HYCC1: variants seen among roughly 807,000 people sequenced by gnomAD.
The protein encoded by HYCC1 is hyccin PI4KA lipid kinase complex subunit 1.
At chr7:22,910,108 C>T in the HYCC1 span, among the ~76,000 whole-genome samples, 1 of 152,228 alleles carries the variant, frequency 6.6e-6, no homozygotes, top group Admixed American at 6.5e-5. Flanking sequence ...ACCAGCAAGG[C>T]ATGCCAAGTA....
the HYCC1 span, among the ~76,000 whole-genome samples, chr7:22,984,406 G>C: frequency 6.6e-6 from 1 of 152,082 alleles, no homozygotes; most frequent in African/African-American, 2.4e-5. Flanking sequence ...CTTCATCTTT[G>C]ATCATAGTTT....
the HYCC1 span, among the ~76,000 whole-genome samples, chr7:22,922,652 A>T: frequency 6.6e-6 from 1 of 152,252 alleles, no homozygotes; most frequent in East Asian, 1.9e-4. Flanking sequence ...GACCATCTGT[A>T]TATGTTGTCT....
chr7:22,962,026 C>T, the HYCC1 span, among the ~76,000 whole-genome samples: 9 of 151,938 alleles, frequency 5.9e-5, no homozygotes, highest in South Asian at 4.2e-4. Flanking sequence ...CAAGCGAGGC[C>T]TAAAAACTGG....
At chr7:22,924,177 CA>C in the HYCC1 span, among the ~76,000 whole-genome samples, 18,127 of 95,232 alleles carry the variant, frequency 0.19, 1,301 homozygotes, top group African/African-American at 0.24. Context: ...GACTCTGTAT[CA>C]AAAAAAAAAA....
the HYCC1 span, among the ~76,000 whole-genome samples, chr7:22,985,061 C>T: frequency 2.6e-5 from 4 of 152,114 alleles, no homozygotes; most frequent in Admixed American, 6.6e-5. Flanking sequence ...CCCTCCTCAG[C>T]GATATCTGTT....
At chr7:22,972,312 A>T in the HYCC1 span, among the ~76,000 whole-genome samples, 144 of 152,296 alleles carry the variant, frequency 9.5e-4, no homozygotes, top group African/African-American at 3.3e-3. Flanking sequence ...AGAAAAATTG[A>T]CCTAGAAGTG....
At chr7:22,909,068 C>T in the HYCC1 span, among the ~76,000 whole-genome samples, 1 of 152,188 alleles carries the variant, frequency 6.6e-6, no homozygotes, top group African/African-American at 2.4e-5. Flanking sequence ...CTAGAAACCA[C>T]ACATGGACTT....
At chr7:22,904,213 C>T in the HYCC1 span, among the ~76,000 whole-genome samples, 4 of 151,632 alleles carry the variant, frequency 2.6e-5, no homozygotes, top group Admixed American at 6.6e-5. Context: ...GGGCGGATCA[C>T]GAGGTCAGGA....
At chr7:22,922,303 C>T in the HYCC1 span, among the ~76,000 whole-genome samples, 5 of 152,276 alleles carry the variant, frequency 3.3e-5, no homozygotes, top group Admixed American at 3.3e-4. Context: ...CAAGATCCAA[C>T]CACAGATGCT....
the HYCC1 span, among the ~76,000 whole-genome samples, chr7:22,928,171 T>C: frequency 6.6e-6 from 1 of 152,168 alleles, no homozygotes; most frequent in East Asian, 1.9e-4. Flanking sequence ...AATTAGGTAT[T>C]GATGGGATGT....
the HYCC1 span, among the ~76,000 whole-genome samples, chr7:22,926,458 T>C: frequency 1.6e-3 from 236 of 152,128 alleles, no homozygotes; most frequent in African/African-American, 5.4e-3. Context: ...CAGAGACACA[T>C]ATAGGCTCAA....
At chr7:22,999,968 A>G in the HYCC1 span, among the ~76,000 whole-genome samples, 1 of 152,136 alleles carries the variant, frequency 6.6e-6, no homozygotes, top group African/African-American at 2.4e-5. Context: ...AAAGTTTAAA[A>G]CAAGGGTTCT....
the HYCC1 span, chr7:22,947,098 G>A: frequency 2.6e-6 from 4 of 1,550,254 alleles, no homozygotes; most frequent in Non-Finnish European, 3.5e-6. Context: ...GCTGTTTCCT[G>A]CACACCCTGT....
At chr7:22,982,584 G>A in the HYCC1 span, among the ~76,000 whole-genome samples, 11 of 152,202 alleles carry the variant, frequency 7.2e-5, no homozygotes, top group Non-Finnish European at 1.5e-4. Context: ...TCAAACTCAA[G>A]TACAAAAGGA....
chr7:22,958,578 G>A, the HYCC1 span, among the ~76,000 whole-genome samples: 1 of 152,080 alleles, frequency 6.6e-6, no homozygotes, highest in Non-Finnish European at 1.5e-5. Flanking sequence ...ATACAATCTG[G>A]AAGATATGTA....
chr7:22,997,388 TAA>T, the HYCC1 span, among the ~76,000 whole-genome samples: 1 of 152,174 alleles, frequency 6.6e-6, no homozygotes, highest in Non-Finnish European at 1.5e-5. Context: ...TTATGAAGCT[TAA>T]GTTTCTATAA....
chr7:22,925,042 A>T, the HYCC1 span, among the ~76,000 whole-genome samples: 1 of 152,202 alleles, frequency 6.6e-6, no homozygotes, highest in South Asian at 2.1e-4. Flanking sequence ...GCTGTTCTGC[A>T]GCCACCGCTG....
the HYCC1 span, among the ~76,000 whole-genome samples, chr7:22,995,858 G>T: frequency 3.9e-5 from 6 of 152,194 alleles, no homozygotes; most frequent in South Asian, 1.2e-3. Context: ...TGGTGAAACC[G>T]GGCAAGCACT....
the HYCC1 span, among the ~76,000 whole-genome samples, chr7:22,991,812 T>C: frequency 6.6e-6 from 1 of 152,226 alleles, no homozygotes; most frequent in East Asian, 1.9e-4. Flanking sequence ...GGGAGTAGAC[T>C]TGGAAACTAT....
Sources: gnomAD v4.1 joint callset for allele counts (sites outside exome capture counted in the v4.1 genomes callset) on GRCh38, gnomAD v4.1.1 for gene constraint, MANE v1.5 for transcripts, NCBI Gene and HGNC (gene_info 2026-07-23, HGNC 2026-07-21) for gene names.